ADGRV1: variants seen among roughly 807,000 people sequenced by gnomAD.
The protein encoded by ADGRV1 is G-protein coupled receptor 98.
In ADGRV1, 359 loss-of-function variants were observed where a neutral mutation model predicts 596.2. The observed-to-expected ratio is 0.60, with a 90% CI of 0.55 to 0.66. The LOEUF (loss-of-function observed/expected upper bound fraction) is 0.66. Among genes scored for constraint, ADGRV1 ranks in the 30% least tolerant of loss-of-function variants. The probability of loss-of-function intolerance (pLI) is 0.00; values close to 1 mark genes in which losing one functional copy is unlikely to be tolerated. For missense variants in ADGRV1, 7,274 were observed against 7,575.6 expected, an observed-to-expected ratio of 0.96 and a Z score of 1.48; for synonymous variants, 2,681 against 2,679.2, an observed-to-expected ratio of 1.00 and a Z score of -0.02.
At chr5:91,031,116 C>T in intron 85 of ADGRV1, 1 of 1,362,040 alleles carries the variant, frequency 7.3e-7, no homozygotes, top group Non-Finnish European at 1.0e-6. Flanking sequence ...CTCTTGTACA[C>T]AAGTAAAAGA....
chr5:90,677,488 A>C (rs557401264), intron 25 of ADGRV1, among the ~76,000 whole-genome samples: 1 of 152,352 alleles, frequency 6.6e-6, no homozygotes, highest in African/African-American at 2.4e-5. Context: ...ATTACTAAAA[A>C]GGTTACTATA....
intron 4 of ADGRV1, among the ~76,000 whole-genome samples, chr5:90,622,106 T>G (rs1415165708): frequency 6.6e-6 from 1 of 152,202 alleles, no homozygotes; most frequent in Non-Finnish European, 1.5e-5. Flanking sequence ...TTGAAGTCTT[T>G]GCTTTCACCT....
chr5:90,999,654 G>C (rs1781702602), intron 85 of ADGRV1, among the ~76,000 whole-genome samples: 1 of 152,018 alleles, frequency 6.6e-6, no homozygotes. Context: ...GGAAAATTGG[G>C]CACCTTTTGT....
At position 90,685,971 on chromosome 5, in the gene ADGRV1, G is replaced by A; in HGVS notation, c.6466G>A (p.Ala2156Thr). ...AFADVSVKFKAVPITAIAGED... is the reference protein window; with the variant it reads ...AFADVSVKFKTVPITAIAGED... ...TGCAGATGTCTCTGTGAAGTTTAAAGCTGTGCCAATAACTGCAATAGCTGG... is the reference window on the plus strand; with the variant it reads ...TGCAGATGTCTCTGTGAAGTTTAAAACTGTGCCAATAACTGCAATAGCTGG... The change falls in exon 29 of 90, where the codon GCT (alanine) becomes ACT (threonine). Residue 2156 changes from alanine (A) to threonine (T), a missense_variant. Ala to Thr is a moderately conservative substitution (Grantham distance 58). Around this residue, in one of 5 missense-constraint regions of ADGRV1, gnomAD observed 3,643 missense variants for 3,809.2 expected, o/e 0.96. Coordinates refer to ENST00000405460, the MANE Select transcript of ADGRV1 (RefSeq NM_032119.4). 9 of 1,591,984 alleles carry A rather than the reference G, an allele frequency of 5.7e-6. No homozygotes were observed. Among genetic ancestry groups the A allele is most frequent in the Non-Finnish European group, 7.7e-6 (9 of 1,166,772 alleles).
At chr5:90,636,988 A>G (rs977609210) in intron 10 of ADGRV1, among the ~76,000 whole-genome samples, 2 of 152,170 alleles carry the variant, frequency 1.3e-5, no homozygotes, top group Non-Finnish European at 2.9e-5. Context: ...CTTGAATGAA[A>G]CCTCCAAATA....
intron 69 of ADGRV1, 60 bp from the exon 70 acceptor site, chr5:90,790,813 G>A (rs1759983487): frequency 1.8e-6 from 2 of 1,087,458 alleles, no homozygotes; most frequent in Non-Finnish European, 2.7e-6. Flanking sequence ...ATAATTTAAG[G>A]GAATTTGGTG....
intron 21 of ADGRV1, among the ~76,000 whole-genome samples, chr5:90,666,557 A>C (rs1771431754): frequency 1.1e-5 from 1 of 90,012 alleles, no homozygotes; most frequent in South Asian, 3.6e-4. Flanking sequence ...ATGGGTCTTG[A>C]CTATCCAATT....
chr5:91,134,578 A>G (rs920105405), intron 87 of ADGRV1, among the ~76,000 whole-genome samples: 8 of 152,188 alleles, frequency 5.3e-5, no homozygotes, highest in Non-Finnish European at 1.0e-4. Context: ...ATGGGGAGGA[A>G]TATATAGATT....
intron 21 of ADGRV1, among the ~76,000 whole-genome samples, chr5:90,662,152 T>C (rs1463857758): frequency 2.0e-5 from 3 of 151,890 alleles, no homozygotes; most frequent in Non-Finnish European, 4.4e-5. Context: ...TATCAGCCTT[T>C]TGGCAATATT....
At chr5:91,115,924 G>A (rs1435082983) in intron 87 of ADGRV1, among the ~76,000 whole-genome samples, 1 of 150,734 alleles carries the variant, frequency 6.6e-6, no homozygotes, top group Non-Finnish European at 1.5e-5. Context: ...TCCAGCCTGG[G>A]TGACAGAGTG....
At position 90,747,827 on chromosome 5, in the gene ADGRV1, C is replaced by T. The variant is rs559770279; in HGVS notation, c.10974+2032C>T. Among the ~76,000 whole-genome samples, 5 of 152,304 alleles carry T rather than the reference C, an allele frequency of 3.3e-5. No homozygotes were observed. In the East Asian group the frequency reaches 9.7e-4, roughly 29 times the overall value. On this transcript the variant is annotated intron_variant, in intron 52 of 89. Coordinates refer to ENST00000405460, the MANE Select transcript of ADGRV1 (RefSeq NM_032119.4). ...TTCCCAGACACCAGCGGATAGCCGA[C>T]CTGTGAACAAGCCTTTAAGGATAGC...
intron 1 of ADGRV1, among the ~76,000 whole-genome samples, chr5:90,568,173 C>A (rs1755898520): frequency 1.3e-5 from 2 of 151,710 alleles, no homozygotes; most frequent in South Asian, 4.2e-4. Context: ...TTTAGTTTGC[C>A]TGTTTTTTTC....
chr5:90,736,411 A>G (rs910953815), intron 50 of ADGRV1, among the ~76,000 whole-genome samples: 1 of 152,076 alleles, frequency 6.6e-6, no homozygotes, highest in Non-Finnish European at 1.5e-5. Flanking sequence ...TTTGTTCATC[A>G]GAGATATTGG....
chr5:91,074,537 G>C (rs1441296526), intron 86 of ADGRV1, among the ~76,000 whole-genome samples: 1 of 152,156 alleles, frequency 6.6e-6, no homozygotes, highest in Non-Finnish European at 1.5e-5. Context: ...ATATTCCATG[G>C]TGTATATGTA....
intron 83 of ADGRV1, 135 bp downstream of exon 83, chr5:90,863,992 A>G: frequency 1.6e-6 from 1 of 609,038 alleles, no homozygotes; most frequent in Non-Finnish European, 2.9e-6. Context: ...GCAGTGGAAG[A>G]GAATGGGGAC....
At position 90,791,101 on chromosome 5, in the gene ADGRV1, G is replaced by A. The variant is rs528934737; in HGVS notation, c.14272G>A (p.Asp4758Asn). The A allele has an allele frequency of 6.2e-7, 1 of 1,613,824 alleles. No homozygotes were observed. The highest frequency in any genetic ancestry group is 1.1e-5 in the South Asian group (1 of 91,082). Reference sequence around the variant, plus strand: ...CACATGGTTCTCTGTTTATGCAAATGATGACCCACATGGAGTATTTGCCCT... The same window carrying A: ...CACATGGTTCTCTGTTTATGCAAATAATGACCCACATGGAGTATTTGCCCT... ...SITWFSVYAN[D>N]DPHGVFALYS... The change falls in exon 70 of 90, where the codon GAT becomes AAT. Residue 4758 changes from aspartate to asparagine, a missense_variant. Around this residue, in one of 5 missense-constraint regions of ADGRV1, gnomAD observed 1,874 missense variants for 1,970.2 expected, o/e 0.95. Coordinates refer to ENST00000405460, the MANE Select transcript of ADGRV1 (RefSeq NM_032119.4).
chr5:90,942,422 T>C (rs1474492190), intron 83 of ADGRV1, among the ~76,000 whole-genome samples: 1 of 152,134 alleles, frequency 6.6e-6, no homozygotes, highest in Non-Finnish European at 1.5e-5. Flanking sequence ...GGAGAGGGAA[T>C]AGTATGAAAT....
chr5:90,693,050 A>G (rs1746689473), intron 32 of ADGRV1, among the ~76,000 whole-genome samples: 1 of 152,146 alleles, frequency 6.6e-6, no homozygotes, highest in Non-Finnish European at 1.5e-5. Flanking sequence ...TCTAATCTGT[A>G]ATTTGTTACA....
chr5:90,688,574 C>G (rs112685234), intron 29 of ADGRV1, among the ~76,000 whole-genome samples: 25 of 152,232 alleles, frequency 1.6e-4, no homozygotes, highest in Middle Eastern at 3.4e-3. Flanking sequence ...CCAGGATGGT[C>G]TCGATCTCTT....
Sources: gnomAD v4.1 joint callset for allele counts (sites outside exome capture counted in the v4.1 genomes callset) on GRCh38, gnomAD v4.1.1 for gene constraint, gnomAD v4.1.1 regional missense constraint, MANE v1.5 for transcripts, NCBI Gene and HGNC (gene_info 2026-07-23, HGNC 2026-07-21) for gene names.